FGR: variants seen among roughly 807,000 people sequenced by gnomAD.
FGR encodes FGR proto-oncogene, Src family tyrosine kinase.
FGR carries 26 observed loss-of-function variants against 63.2 expected under a neutral mutation model. That is an observed-to-expected ratio of 0.41 (90% CI 0.30 to 0.57). FGR has a LOEUF of 0.57. FGR is among the 20% of genes least tolerant of loss of function. The pLI is 0.27. For synonymous variants in FGR, 286 were observed against 277.7 expected (o/e 1.03, Z -0.30); for missense variants, 511 against 690.8 (o/e 0.74, Z 2.92).
Position 27,612,975 on chromosome 1 carries a change from G to A in FGR, c.1529C>T (p.Ser510Phe). 1 of 1,614,204 alleles carries A rather than the reference G, an allele frequency of 6.2e-7. No individual in the cohort carries two copies. Residue 510 changes from serine to phenylalanine, a missense_variant, in exon 13 of 13, where the codon TCC becomes TTC. Physicochemically the swap from Ser to Phe is radical, Grantham distance 155. Coordinates refer to ENST00000374005, the MANE Select transcript of FGR (RefSeq NM_005248.3). The part of the protein sequence containing the change: ...EERPTFEYLQ[S>F]FLEDYFTSAE... ...GGAGGTGAAGTAGTCCTCCAGGAAG[G>A]ACTGCAGGTACTCGAAGGTAGGCCT...
chr1:27,630,345 A>G (rs555837640), intron 1 of FGR, among the ~76,000 whole-genome samples: 18 of 151,972 alleles, frequency 1.2e-4, no homozygotes, highest in African/African-American at 4.1e-4. Flanking sequence ...GAGCCACTGC[A>G]CCCGGCCTTT....
At chr1:27,630,089 G>A (rs1052095496) in intron 1 of FGR, among the ~76,000 whole-genome samples, 78 of 152,154 alleles carry the variant, frequency 5.1e-4, no homozygotes, top group African/African-American at 1.8e-3. Flanking sequence ...GTCTCACTCT[G>A]TTGCCCAGGC....
chr1:27,624,925 G>C (rs1010368936), intron 2 of FGR, among the ~76,000 whole-genome samples, 164 bp downstream of exon 2: 3 of 152,066 alleles, frequency 2.0e-5, no homozygotes, highest in Non-Finnish European at 2.9e-5. Context: ...TCCTGTCGTG[G>C]GTCCAGCCTT....
chr1:27,619,452 A>C (rs1029007321), intron 5 of FGR, among the ~76,000 whole-genome samples: 1 of 152,150 alleles, frequency 6.6e-6, no homozygotes, highest in Admixed American at 6.5e-5. Context: ...CGGCCTCCCA[A>C]AGTGCTGGGA....
rs1320461763 is a variant in FGR, at chr1:27,615,781, A to C, written c.746T>G (p.Leu249Arg). 1.0e-5 allele frequency: 16 copies of C among 1,602,256 alleles called. No individual in the cohort carries two copies. Among genetic ancestry groups the C allele is most frequent in the Non-Finnish European group, 1.2e-5 (14 of 1,174,640 alleles). Residue 249 changes from leucine to arginine, a missense_variant, in exon 8 of 13, where the codon CTG becomes CGG. Leu to Arg is a moderately radical substitution (Grantham distance 102). Transcript: ENST00000374005. The surrounding 1 kb of genome is among the most constrained non-coding windows in gnomAD (Gnocchi z 7.6). ...APCTIMKPQT[L>R]GLAKDAWEIS... The stretch of plus-strand genomic sequence containing the variant: ...CTCCCAGGCGTCCTTGGCCAGGCCC[A>C]GCGTCTGCGGCTTCATGATGGTGCA...
At chr1:27,625,648 C>A (rs912354451) in intron 1 of FGR, among the ~76,000 whole-genome samples, 4 of 152,166 alleles carry the variant, frequency 2.6e-5, no homozygotes, top group African/African-American at 7.2e-5. Context: ...CTCCTAAAAA[C>A]CAGTTCTTCC....
At chr1:27,634,748 A>T (rs1276945822) in intron 1 of FGR, among the ~76,000 whole-genome samples, 1 of 117,214 alleles carries the variant, frequency 8.5e-6, no homozygotes, top group African/African-American at 3.3e-5. Flanking sequence ...CTTCTCCCCC[A>T]CCTCAGCCCC....
Position 27,621,028 on chromosome 1 carries a change from G to GAAAGA in FGR, c.428+526_428+530dup, listed in dbSNP as rs1234927269. 1.0e-4 allele frequency among the ~76,000 whole-genome samples: 10 copies of GAAAGA among 98,126 alleles called. No homozygotes were observed. In the South Asian group the frequency reaches 1.7e-3, roughly 16 times the overall value. The allele number at this position is 98,126 out of a possible 152,430, so 64.4% of individuals were successfully genotyped here. A position where few individuals can be genotyped will look rare whatever the true frequency, so the allele number is the denominator to read the frequency against. On this transcript the variant is annotated intron_variant, in intron 5 of 12. Transcript: ENST00000374005. Reference sequence around the variant, plus strand: ...AAAAAAAAAAAAAAAAAGAAAGAAAGAAAGAAAAGAAAAGAAAAACAAAAA... The same window carrying GAAAGA: ...AAAAAAAAAAAAAAAAAGAAAGAAAGAAAGAAAAGAAAAGAAAAGAAAAACAAAAA...
chr1:27,614,377 G>A, intron 11 of FGR, 53 bp downstream of exon 11: 1 of 1,579,092 alleles, frequency 6.3e-7, no homozygotes, highest in Non-Finnish European at 8.6e-7. Context: ...GGGGCCCCAT[G>A]GAAGTCCCTT....
intron 1 of FGR, among the ~76,000 whole-genome samples, chr1:27,634,799 G>T (rs1171842279): frequency 1.3e-5 from 2 of 150,320 alleles, no homozygotes; most frequent in Non-Finnish European, 3.0e-5. Flanking sequence ...TTACCCACTA[G>T]ACCTTTTTGG....
rs1220311249 is a variant in FGR, at chr1:27,612,102, C to G, written c.*812G>C. On this transcript the variant is annotated 3_prime_UTR_variant, in exon 13 of 13. Coordinates refer to ENST00000374005, the MANE Select transcript of FGR (RefSeq NM_005248.3). Reference sequence around the variant, plus strand: ...GGACATTTTAATGTATCTTCAGCTGCTTGTCTTCTAAACTCACGTGCAGAT... The same window carrying G: ...GGACATTTTAATGTATCTTCAGCTGGTTGTCTTCTAAACTCACGTGCAGAT... The G allele has an allele frequency of 6.6e-6, 1 of 152,250 alleles. No homozygotes were observed. The highest frequency in any genetic ancestry group is 1.5e-5 in the Non-Finnish European group (1 of 68,052). 9.4% of individuals were successfully genotyped at this position (152,250 alleles called of 1,614,324 possible).
intron 1 of FGR, among the ~76,000 whole-genome samples, chr1:27,631,188 TCC>T (rs1307134627): frequency 6.6e-6 from 1 of 152,098 alleles, no homozygotes; most frequent in Non-Finnish European, 1.5e-5. Flanking sequence ...TTCTGTTCCC[TCC>T]CCCACTGCTG....
At chr1:27,629,692 G>A (rs1039003973) in intron 1 of FGR, among the ~76,000 whole-genome samples, 14 of 152,164 alleles carry the variant, frequency 9.2e-5, no homozygotes, top group African/African-American at 3.1e-4. Flanking sequence ...GTAAAAATGA[G>A]CTAATTTATT....
chr1:27,626,328 C>T (rs2090021213), intron 1 of FGR: 2 of 397,518 alleles, frequency 5.0e-6, no homozygotes, highest in African/African-American at 2.1e-5. Flanking sequence ...CCTGATTTGC[C>T]CCAGAGGGGC....
intron 1 of FGR, among the ~76,000 whole-genome samples, chr1:27,629,539 C>T (rs867041935): frequency 4.6e-5 from 7 of 152,088 alleles, no homozygotes; most frequent in South Asian, 2.1e-4. Context: ...GGGAAAAAGA[C>T]GGAGGGAGAG....
intron 1 of FGR, among the ~76,000 whole-genome samples, chr1:27,628,126 C>T (rs1012093542): frequency 4.0e-5 from 6 of 150,630 alleles, no homozygotes; most frequent in African/African-American, 7.3e-5. Context: ...CGGTGGCTTA[C>T]GCCTGTCACT....
intron 1 of FGR, among the ~76,000 whole-genome samples, chr1:27,629,429 G>A (rs551707532): frequency 6.6e-6 from 1 of 151,980 alleles, no homozygotes; most frequent in East Asian, 1.9e-4. Flanking sequence ...AGGCAGAAAT[G>A]AGAATTAAGG....
At chr1:27,634,348 G>C (rs1345703998) in intron 1 of FGR, among the ~76,000 whole-genome samples, 1 of 152,186 alleles carries the variant, frequency 6.6e-6, no homozygotes, top group Non-Finnish European at 1.5e-5. Flanking sequence ...GCCGAGGGCG[G>C]GGACTTCCCC....
Position 27,621,615 on chromosome 1 carries a change from T to A in FGR, c.372A>T (p.Lys124Asn). 1 of 1,613,860 alleles carries A rather than the reference T, an allele frequency of 6.2e-7. No individual in the cohort carries two copies. The highest frequency in any genetic ancestry group is 8.5e-7 in the Non-Finnish European group (1 of 1,179,936). The change falls in exon 5 of 13, where the codon AAA (lysine) becomes AAT (asparagine). Residue 124 changes from lysine to asparagine, a missense_variant. Lys to Asn is a moderately conservative substitution (Grantham distance 94). Coordinates refer to ENST00000374005, the MANE Select transcript of FGR (RefSeq NM_005248.3). ...WWEARSLSSG[K>N]TGCIPSNYVA... ...CGTAGTTGCTGGGAATGCAGCCAGTTTTTCCGGAGCTGAGAGACCGAGCCT... is the reference window on the plus strand; with the variant it reads ...CGTAGTTGCTGGGAATGCAGCCAGTATTTCCGGAGCTGAGAGACCGAGCCT...
Sources: allele counts gnomAD v4.1 joint callset (sites outside exome capture counted in the v4.1 genomes callset), GRCh38; gene constraint gnomAD v4.1.1; non-coding constraint Gnocchi (gnomAD v3.1); transcripts MANE v1.5; gene names NCBI Gene and HGNC (gene_info 2026-07-23, HGNC 2026-07-21).